NDEL1: variants seen among roughly 807,000 people sequenced by gnomAD.
The protein encoded by NDEL1 is nudE neurodevelopment protein 1 like 1.
Under a neutral mutation model 45.7 loss-of-function variants are expected in NDEL1, and 9 were observed. That is an observed-to-expected ratio of 0.20 (90% CI 0.12 to 0.34). The LOEUF is 0.34. Among genes scored for constraint, NDEL1 ranks in the 10% least tolerant of loss-of-function variants. NDEL1 has a pLI of 1.00. For synonymous variants in NDEL1, 133 were observed against 158.6 expected, an observed-to-expected ratio of 0.84 and a Z score of 1.21; for missense variants, 306 against 406.2, an observed-to-expected ratio of 0.75 and a Z score of 2.12.
intron 2 of NDEL1, 79 bp downstream of exon 2, chr17:8,444,436 A>G (rs1365395380): frequency 1.1e-6 from 1 of 944,858 alleles, no homozygotes; most frequent in Non-Finnish European, 1.7e-6. Flanking sequence ...TTTCTTTTTA[A>G]CATAAAGCTA....
At position 8,453,122 on chromosome 17, in the gene NDEL1, T is replaced by C. The variant is rs757150193; in HGVS notation, c.701-1674T>C. Among the ~76,000 whole-genome samples, 10 of 152,196 alleles carry C rather than the reference T, an allele frequency of 6.6e-5. No homozygotes were observed. In the East Asian group the frequency reaches 1.2e-3, roughly 18 times the overall value. On this transcript the variant is annotated intron_variant, in intron 6 of 8. Coordinates refer to ENST00000334527, the MANE Select transcript of NDEL1 (RefSeq NM_030808.5). ...TAACACCTAAAATGTAAAACTTGAA[T>C]AGGGAAAAATGAGATCTAGAAATCC... is the stretch of plus-strand genomic sequence containing the variant.
intron 1 of NDEL1, among the ~76,000 whole-genome samples, chr17:8,439,239 CTT>C (rs762298785): frequency 7.0e-6 from 1 of 142,828 alleles, no homozygotes. Flanking sequence ...TGTGCCCGGC[CTT>C]TTTTTTTTTC....
At chr17:8,461,314 T>A (rs1227616303) in intron 8 of NDEL1, 1 of 152,234 alleles carries the variant, frequency 6.6e-6, no homozygotes, top group Non-Finnish European at 1.5e-5. Context: ...GATTTTACCC[T>A]GGAGAATATA....
rs1340503867 is a variant in NDEL1, at chr17:8,465,864, C to T, written c.945-1066C>T. ...GAGGTTCCAGGCTGCACACTCCCTC[C>T]CCCTCTTGCTGCTTCCTGTGGCTGC... On this transcript the variant is annotated intron_variant, in intron 8 of 8. Transcript: ENST00000334527. The surrounding 1 kb of genome is among the most constrained non-coding windows in gnomAD (Gnocchi z 4.9). 1.3e-5 allele frequency: 2 copies of T among 152,392 alleles called. No homozygotes were observed. The highest frequency in any genetic ancestry group is 4.8e-5 in the African/African-American group (2 of 41,416). The allele number at this position is 152,392 out of a possible 1,614,324, so 9.4% of individuals were successfully genotyped here.
intron 1 of NDEL1, among the ~76,000 whole-genome samples, chr17:8,438,223 C>T (rs922126543): frequency 6.6e-6 from 1 of 152,192 alleles, no homozygotes; most frequent in Non-Finnish European, 1.5e-5. Flanking sequence ...TCACAAAGTG[C>T]TGGGATTACA....
chr17:8,456,436 TA>T (rs1379980130), intron 7 of NDEL1, among the ~76,000 whole-genome samples: 3 of 152,032 alleles, frequency 2.0e-5, no homozygotes, highest in Admixed American at 6.6e-5. Flanking sequence ...TTTGTTCTTT[TA>T]AAAAAATTAC....
At chr17:8,459,326 G>T (rs1232421464) in intron 7 of NDEL1, among the ~76,000 whole-genome samples, 1 of 152,174 alleles carries the variant, frequency 6.6e-6, no homozygotes, top group African/African-American at 2.4e-5. Flanking sequence ...CATGTCATCT[G>T]CGTTGGTAGA....
downstream of NDEL1, among the ~76,000 whole-genome samples, chr17:8,470,732 G>A (rs1324640724): frequency 1.3e-5 from 2 of 152,224 alleles, no homozygotes; most frequent in Non-Finnish European, 2.9e-5. The surrounding 1 kb of genome is among the most constrained non-coding windows in gnomAD (Gnocchi z 4.2). Context: ...AGGCCTCACT[G>A]GCCTTGACTC....
intron 5 of NDEL1, 39 bp from the exon 6 acceptor site, chr17:8,450,741 C>G (rs1440440319): frequency 6.4e-7 from 1 of 1,571,962 alleles, no homozygotes; most frequent in Non-Finnish European, 8.6e-7. Context: ...TTTGCTCCCT[C>G]TAGTGAGTAT....
chr17:8,417,420 T>G (rs1239323343), intron 1 of NDEL1, among the ~76,000 whole-genome samples: 1 of 152,236 alleles, frequency 6.6e-6, no homozygotes, highest in Non-Finnish European at 1.5e-5. Context: ...AGCCCTTGAA[T>G]TTCTTTTATG....
chr17:8,456,265 C>T (rs541460184), intron 7 of NDEL1, among the ~76,000 whole-genome samples: 228 of 152,266 alleles, frequency 1.5e-3, no homozygotes, highest in Non-Finnish European at 2.7e-3. Context: ...GTGCACAGGT[C>T]GTTCCTACAG....
At chr17:8,455,288 A>G (rs1176209748) in intron 7 of NDEL1, among the ~76,000 whole-genome samples, 1 of 152,148 alleles carries the variant, frequency 6.6e-6, no homozygotes, top group Non-Finnish European at 1.5e-5. Context: ...GGCTCATGGC[A>G]TTACTCTCTA....
upstream of NDEL1, among the ~76,000 whole-genome samples, chr17:8,432,363 T>G (rs890323638): frequency 4.0e-4 from 25 of 62,036 alleles, no homozygotes; most frequent in Admixed American, 3.9e-3. Context: ...AATATAAATA[T>G]ATATATATTT....
In NDEL1 at chr17:8,448,601, T is replaced by C. The variant is rs1910251442; in HGVS notation, c.441T>C (p.Ile147=). ...TTGAACAAAGGCTAAACCAGGCCAT[T>C]GAACGAAATGCATTTTTAGAAAGTG... The part of the protein sequence containing the change: ...EDFEQRLNQA[I]ERNAFLESEL... The change falls in exon 5 of 9, where the codon ATT becomes ATC. Residue 147 remains isoleucine, a synonymous_variant. Coordinates refer to ENST00000334527, the MANE Select transcript of NDEL1 (RefSeq NM_030808.5). The C allele has an allele frequency of 6.2e-7, 1 of 1,614,106 alleles. No homozygotes were observed. The highest frequency in any genetic ancestry group is 1.3e-5 in the African/African-American group (1 of 74,954).
chr17:8,450,734 G>T (rs1380755609), intron 5 of NDEL1, 46 bp from the exon 6 acceptor site: 2 of 1,512,570 alleles, frequency 1.3e-6, no homozygotes, highest in Non-Finnish European at 8.9e-7. Flanking sequence ...TGATATATTT[G>T]CTCCCTCTAG....
At chr17:8,449,477 ATTG>A (rs1172642297) in intron 5 of NDEL1, among the ~76,000 whole-genome samples, 2 of 152,186 alleles carry the variant, frequency 1.3e-5, no homozygotes, top group African/African-American at 4.8e-5. Flanking sequence ...GTATAGTCAA[ATTG>A]TTGTGTAAAC....
chr17:8,414,149 TTG>T (rs2151689959), intron 1 of NDEL1, among the ~76,000 whole-genome samples: 1 of 152,328 alleles, frequency 6.6e-6, no homozygotes, highest in South Asian at 2.1e-4. Context: ...TAGTATTCCA[TTG>T]TGTGGCTGTA....
upstream of NDEL1, among the ~76,000 whole-genome samples, chr17:8,432,447 C>T (rs757065079): frequency 3.4e-4 from 49 of 143,010 alleles, no homozygotes; most frequent in Non-Finnish European, 6.5e-4. Context: ...TGTAGTGGCG[C>T]GATCTCGGCT....
intron 6 of NDEL1, among the ~76,000 whole-genome samples, chr17:8,453,434 A>T (rs1910644431): frequency 6.6e-6 from 1 of 152,220 alleles, no homozygotes; most frequent in African/African-American, 2.4e-5. Flanking sequence ...CAACATCTTT[A>T]TGATGAGGTA....
Sources: gnomAD v4.1 joint callset for allele counts (sites outside exome capture counted in the v4.1 genomes callset) on GRCh38, gnomAD v4.1.1 for gene constraint, Gnocchi (gnomAD v3.1) non-coding constraint, MANE v1.5 for transcripts, NCBI Gene and HGNC (gene_info 2026-07-23, HGNC 2026-07-21) for gene names.